SFRP1: variants seen among roughly 807,000 people sequenced by gnomAD.
The protein encoded by SFRP1 is secreted frizzled-related protein 1.
A neutral mutation model predicts 25.9 loss-of-function variants in SFRP1; 9 were observed. That is an observed-to-expected ratio of 0.35 (90% CI 0.21 to 0.61). SFRP1 has a LOEUF of 0.61. Among genes scored for constraint, SFRP1 ranks in the 20% least tolerant of loss-of-function variants. SFRP1 has a pLI of 0.78. For synonymous variants in SFRP1, 178 were observed against 174.0 expected (o/e 1.02, Z -0.18); for missense variants, 346 against 418.2 (o/e 0.83, Z 1.51).
chr8:41,265,403 G>GC lies in SFRP1; in HGVS notation c.708dup (p.Pro237AlafsTer19), dbSNP rs1338020040. The GC allele has an allele frequency of 6.2e-7, 1 of 1,613,730 alleles. No individual in the cohort carries two copies. The highest frequency in any genetic ancestry group is 1.1e-5 in the South Asian group (1 of 91,034). The stretch of plus-strand genomic sequence containing the variant: ...TTCTTCAGGTCCTTCTTCTTGATGG[G>GC]CCCCAACTTCAGGGGCTTCTTCTTC... On this transcript the variant is annotated frameshift_variant, in exon 3 of 3. Coordinates refer to ENST00000220772, the MANE Select transcript of SFRP1 (RefSeq NM_003012.5). LOFTEE classifies it high-confidence loss of function.
At chr8:41,282,720 CT>C (rs1005898422) in intron 2 of SFRP1, among the ~76,000 whole-genome samples, 24 of 152,070 alleles carry the variant, frequency 1.6e-4, no homozygotes, top group Admixed American at 1.0e-3. Flanking sequence ...AACACATTGC[CT>C]TTTTGAAACT....
intron 2 of SFRP1, among the ~76,000 whole-genome samples, chr8:41,283,122 T>C (rs140810352): frequency 3.9e-5 from 6 of 152,342 alleles, no homozygotes; most frequent in African/African-American, 1.4e-4. Flanking sequence ...CTTCCTCTCT[T>C]TCTAGATGTA....
chr8:41,279,671 T>A (rs2117491943), intron 2 of SFRP1, among the ~76,000 whole-genome samples: 1 of 151,810 alleles, frequency 6.6e-6, no homozygotes, highest in East Asian at 2.0e-4. Context: ...AGGGTCTCAC[T>A]GGCCCCCTTT....
At chr8:41,282,523 C>A (rs1440895389) in intron 2 of SFRP1, among the ~76,000 whole-genome samples, 1 of 147,226 alleles carries the variant, frequency 6.8e-6, no homozygotes, top group East Asian at 2.0e-4. Flanking sequence ...CAAAAACACA[C>A]AAAAAATGCT....
At chr8:41,291,863 C>T (rs545049744) in intron 2 of SFRP1, among the ~76,000 whole-genome samples, 51 of 152,278 alleles carry the variant, frequency 3.3e-4, no homozygotes, top group African/African-American at 9.6e-4. Flanking sequence ...GGCTGGAGCA[C>T]GGACAGAGGC....
At chr8:41,308,469 C>G in intron 1 of SFRP1, 147 bp downstream of exon 1, 1 of 658,852 alleles carries the variant, frequency 1.5e-6, no homozygotes, top group Non-Finnish European at 2.6e-6. Flanking sequence ...TTAGGAATCA[C>G]GTGCACAGCA....
chr8:41,308,471 T>C (rs2074107648), intron 1 of SFRP1, 145 bp downstream of exon 1: 2 of 663,080 alleles, frequency 3.0e-6, no homozygotes, highest in Non-Finnish European at 5.1e-6. Context: ...AGGAATCACG[T>C]GCACAGCATG....
At chr8:41,285,710 T>C (rs1003513898) in intron 2 of SFRP1, among the ~76,000 whole-genome samples, 1 of 152,074 alleles carries the variant, frequency 6.6e-6, no homozygotes, top group Non-Finnish European at 1.5e-5. Flanking sequence ...TGAGCCCCCG[T>C]GAGTGCCAGG....
At chr8:41,291,267 T>G (rs1345488556) in intron 2 of SFRP1, among the ~76,000 whole-genome samples, 2 of 152,066 alleles carry the variant, frequency 1.3e-5, no homozygotes, top group Non-Finnish European at 2.9e-5. Context: ...GTTCCCAGTG[T>G]CTCTGTGTTA....
rs1246844893 is a variant in SFRP1, at chr8:41,309,203, G to A, written c.-44C>T. 3 of 1,271,758 alleles carry A rather than the reference G, an allele frequency of 2.4e-6. No homozygotes were observed. Among genetic ancestry groups the A allele is most frequent in the Non-Finnish European group, 3.0e-6 (3 of 1,016,068 alleles). The allele number at this position is 1,271,758 out of a possible 1,614,324, so 78.8% of individuals were successfully genotyped here. On this transcript the variant is annotated 5_prime_UTR_variant, in exon 1 of 3. Coordinates refer to ENST00000220772, the MANE Select transcript of SFRP1 (RefSeq NM_003012.5). ...TCTCCGCGACGTCGGGGCTGCCTCC[G>A]CCGCCTCCCCGCGCGCGTCCTGCCG... is the stretch of plus-strand genomic sequence containing the variant.
At chr8:41,303,721 C>T (rs927477484) in intron 1 of SFRP1, among the ~76,000 whole-genome samples, 183 bp from the exon 2 acceptor site, 3 of 152,216 alleles carry the variant, frequency 2.0e-5, no homozygotes, top group African/African-American at 2.4e-5. Context: ...CCAGAGCAGG[C>T]GCAGGTTTCT....
intron 2 of SFRP1, among the ~76,000 whole-genome samples, chr8:41,292,166 T>C (rs1280148677): frequency 6.6e-6 from 1 of 152,218 alleles, no homozygotes; most frequent in African/African-American, 2.4e-5. Flanking sequence ...AGTTTTCACC[T>C]TCCTTACCCA....
chr8:41,266,330 GCACTGCTTTAAGAGAAAAAAGGGTC>G (rs1803435218), intron 2 of SFRP1, among the ~76,000 whole-genome samples: 1 of 152,102 alleles, frequency 6.6e-6, no homozygotes, highest in Non-Finnish European at 1.5e-5. Context: ...CAGTTATCAT[GCACTGCTTTAAGAGAAAAAAGGGTC>G]CTATAACCCA....
At chr8:41,290,918 T>C (rs1803770546) in intron 2 of SFRP1, among the ~76,000 whole-genome samples, 1 of 104,922 alleles carries the variant, frequency 9.5e-6, no homozygotes, top group Non-Finnish European at 1.8e-5. Context: ...TTTTTTTTTT[T>C]TTTTTTGAGA....
chr8:41,300,264 T>C (rs183871264), intron 2 of SFRP1, among the ~76,000 whole-genome samples: 2 of 152,342 alleles, frequency 1.3e-5, no homozygotes, highest in East Asian at 3.9e-4. Flanking sequence ...CCTTCCTATT[T>C]GACTAACCTT....
intron 2 of SFRP1, among the ~76,000 whole-genome samples, chr8:41,275,541 T>C (rs1456229794): frequency 6.6e-6 from 1 of 151,876 alleles, no homozygotes; most frequent in African/African-American, 2.4e-5. Flanking sequence ...TTTGCTCTTT[T>C]GCCCAGGCTG....
At chr8:41,281,781 A>T (rs920884209) in intron 2 of SFRP1, among the ~76,000 whole-genome samples, 16 of 152,220 alleles carry the variant, frequency 1.1e-4, no homozygotes, top group Non-Finnish European at 1.5e-5. Flanking sequence ...AATTTCATAT[A>T]CATGGCCAAC....
At chr8:41,290,880 C>T (rs199745710) in intron 2 of SFRP1, among the ~76,000 whole-genome samples, 1 of 77,644 alleles carries the variant, frequency 1.3e-5, no homozygotes, top group Non-Finnish European at 2.6e-5. Context: ...TCCTCCTCTT[C>T]CTCGTCTTTT....
At chr8:41,275,410 C>G in intron 2 of SFRP1, 2 of 237,302 alleles carry the variant, frequency 8.4e-6, no homozygotes, top group South Asian at 7.8e-5. Context: ...TGCTTTTTCC[C>G]TAAATTGCTT....
Sources: gnomAD v4.1 joint callset for allele counts (sites outside exome capture counted in the v4.1 genomes callset) on GRCh38, gnomAD v4.1.1 for gene constraint, MANE v1.5 for transcripts, NCBI Gene and HGNC (gene_info 2026-07-23, HGNC 2026-07-21) for gene names.